LRFN5: variants seen among roughly 807,000 people sequenced by gnomAD.
LRFN5 encodes the protein leucine rich repeat and fibronectin type III domain containing 5, also known as leucine-rich repeat and fibronectin type-III domain-containing protein 5.
In LRFN5, 24 loss-of-function variants were observed where a neutral mutation model predicts 45.6. The observed-to-expected ratio is 0.53, with a 90% confidence interval of 0.38 to 0.74. LRFN5 has a LOEUF of 0.74. Among genes scored for constraint, LRFN5 ranks in the 30% least tolerant of loss-of-function variants. The pLI is 0.00. For missense variants in LRFN5, 776 were observed against 861.5 expected, an observed-to-expected ratio of 0.90 and a Z score of 1.24; for synonymous variants, 340 against 313.8, an observed-to-expected ratio of 1.08 and a Z score of -0.88.
intron 1 of LRFN5, among the ~76,000 whole-genome samples, chr14:41,745,899 C>T (rs1884900373): frequency 6.6e-6 from 1 of 151,844 alleles, no homozygotes; most frequent in Admixed American, 6.6e-5. Context: ...AAAGAAAAGC[C>T]CTGGATCTGA....
intron 1 of LRFN5, among the ~76,000 whole-genome samples, chr14:41,744,862 T>C (rs1299161883): frequency 6.6e-6 from 1 of 152,108 alleles, no homozygotes. Context: ...AGTTTAAACA[T>C]TTACACGTAG....
intron 1 of LRFN5, among the ~76,000 whole-genome samples, chr14:41,686,082 T>C (rs1882107468): frequency 6.6e-6 from 1 of 152,152 alleles, no homozygotes; most frequent in African/African-American, 2.4e-5. Context: ...ATGACATTGA[T>C]TCGTCCTAGA....
At chr14:41,690,270 C>G (rs988378399) in intron 1 of LRFN5, among the ~76,000 whole-genome samples, 4 of 152,106 alleles carry the variant, frequency 2.6e-5, no homozygotes, top group African/African-American at 9.7e-5. Context: ...AACATTTTGG[C>G]CAGGTGCAGT....
intron 2 of LRFN5, among the ~76,000 whole-genome samples, chr14:41,852,210 G>A (rs115265906): frequency 0.011 from 1,629 of 151,910 alleles, 28 homozygotes; most frequent in African/African-American, 0.037. Flanking sequence ...CTATGAACAA[G>A]ATCAAATTAT....
chr14:41,699,107 C>T (rs1417340321), intron 1 of LRFN5, among the ~76,000 whole-genome samples: 1 of 151,956 alleles, frequency 6.6e-6, no homozygotes, highest in East Asian at 1.9e-4. Context: ...ATTTTTACCA[C>T]TACAAAAGTG....
At chr14:41,806,435 A>T (rs1166302696) in intron 2 of LRFN5, among the ~76,000 whole-genome samples, 1 of 152,216 alleles carries the variant, frequency 6.6e-6, no homozygotes, top group Non-Finnish European at 1.5e-5. Context: ...TTACCATTAG[A>T]GAAAAGGAAG....
intron 2 of LRFN5, among the ~76,000 whole-genome samples, chr14:41,815,102 T>C (rs890420918): frequency 6.6e-6 from 1 of 152,206 alleles, no homozygotes; most frequent in African/African-American, 2.4e-5. Flanking sequence ...ACTGATTTTC[T>C]GCCTTCTGGA....
At chr14:41,841,564 A>G (rs561459169) in intron 2 of LRFN5, among the ~76,000 whole-genome samples, 2 of 152,028 alleles carry the variant, frequency 1.3e-5, no homozygotes, top group Non-Finnish European at 2.9e-5. Flanking sequence ...TTTTATATTT[A>G]TGTACTGTTC....
intron 2 of LRFN5, among the ~76,000 whole-genome samples, chr14:41,799,901 A>G (rs1887265268): frequency 6.6e-6 from 1 of 151,828 alleles, no homozygotes; most frequent in African/African-American, 2.4e-5. Context: ...ATGATATCTC[A>G]GGCTATGAAT....
intron 2 of LRFN5, among the ~76,000 whole-genome samples, chr14:41,856,675 A>ATTATTTTTTT: frequency 4.0e-3 from 73 of 18,300 alleles, no homozygotes; most frequent in South Asian, 0.01. Flanking sequence ...TATTATTATT[A>ATTATTTTTTT]TTTTTTTTTT....
chr14:41,659,737 C>T (rs1041119890), intron 1 of LRFN5, among the ~76,000 whole-genome samples: 5 of 151,970 alleles, frequency 3.3e-5, no homozygotes, highest in East Asian at 3.9e-4. Context: ...TTTTAATGAT[C>T]GCCATTCTAA....
chr14:41,852,283 C>T (rs1381535982), intron 2 of LRFN5, among the ~76,000 whole-genome samples: 5 of 151,624 alleles, frequency 3.3e-5, no homozygotes, highest in African/African-American at 7.3e-5. Context: ...TCTTTTTTTG[C>T]ATTTTGAATC....
intron 1 of LRFN5, among the ~76,000 whole-genome samples, chr14:41,714,698 A>G (rs935490): frequency 0.24 from 36,245 of 151,986 alleles, 4,437 homozygotes; most frequent in African/African-American, 0.29. Flanking sequence ...TTGAGCCCAC[A>G]AGTTCAAGAC....
At chr14:41,874,768 A>G (rs1890132268) in intron 2 of LRFN5, among the ~76,000 whole-genome samples, 1 of 152,230 alleles carries the variant, frequency 6.6e-6, no homozygotes, top group African/African-American at 2.4e-5. Context: ...GTAATTTATA[A>G]AGAAAAGAGG....
intron 1 of LRFN5, among the ~76,000 whole-genome samples, chr14:41,670,316 G>T (rs1482954952): frequency 2.9e-5 from 3 of 104,534 alleles, no homozygotes; most frequent in Non-Finnish European, 5.9e-5. Context: ...CACACACACA[G>T]AAAGAACCCC....
chr14:41,659,301 G>T (rs1450024228), intron 1 of LRFN5, among the ~76,000 whole-genome samples: 1 of 151,994 alleles, frequency 6.6e-6, no homozygotes, highest in Non-Finnish European at 1.5e-5. Context: ...AACATGTGGT[G>T]TTTGGTTTTC....
chr14:41,734,181 T>G (rs1884306246), intron 1 of LRFN5, among the ~76,000 whole-genome samples: 1 of 144,880 alleles, frequency 6.9e-6, no homozygotes, highest in Non-Finnish European at 1.5e-5. Context: ...GCGCACCAAT[T>G]TTGTATTTTT....
intron 1 of LRFN5, among the ~76,000 whole-genome samples, chr14:41,714,799 G>A (rs1883423301): frequency 6.6e-6 from 1 of 152,148 alleles, no homozygotes; most frequent in Admixed American, 6.5e-5. Flanking sequence ...CAGCTACTCA[G>A]GAGGCTGAGG....
chr14:41,650,315 T>A (rs1880050451), intron 1 of LRFN5, among the ~76,000 whole-genome samples: 1 of 149,806 alleles, frequency 6.7e-6, no homozygotes, highest in Non-Finnish European at 1.5e-5. Flanking sequence ...GAGGTTTAAT[T>A]TACCTATAAT....
Sources: allele counts gnomAD v4.1 joint callset (sites outside exome capture counted in the v4.1 genomes callset), GRCh38; gene constraint gnomAD v4.1.1; transcripts MANE v1.5; gene names NCBI Gene and HGNC (gene_info 2026-07-23, HGNC 2026-07-21).